RBFOX1: variants seen among roughly 807,000 people sequenced by gnomAD.
RBFOX1 encodes the protein RNA binding protein fox-1 homolog 1.
In RBFOX1, 8 loss-of-function variants were observed where a neutral mutation model predicts 57.7. That is an observed-to-expected ratio of 0.14 (90% CI 0.08 to 0.25). RBFOX1 has a LOEUF of 0.25. RBFOX1 is among the 10% of genes least tolerant of loss of function. RBFOX1 has a pLI of 1.00. For missense variants in RBFOX1, 611 were observed against 548.5 expected, an observed-to-expected ratio of 1.11 and a Z score of -1.14; for synonymous variants, 326 against 222.4, an observed-to-expected ratio of 1.47 and a Z score of -4.15.
intron 3 of RBFOX1, among the ~76,000 whole-genome samples, chr16:5,744,881 C>G (rs1355702552): frequency 6.6e-6 from 1 of 152,174 alleles, no homozygotes; most frequent in East Asian, 1.9e-4. Context: ...CCTCACCGCT[C>G]TCTCTCCGAC....
intron 1 of RBFOX1, among the ~76,000 whole-genome samples, chr16:6,202,753 G>A (rs187348568): frequency 1.3e-5 from 2 of 151,986 alleles, no homozygotes; most frequent in East Asian, 1.9e-4. Context: ...CTCCTCCCAC[G>A]TTCTTTATGT....
At chr16:6,648,263 G>A (rs2098549855) in intron 2 of RBFOX1, among the ~76,000 whole-genome samples, 1 of 151,108 alleles carries the variant, frequency 6.6e-6, no homozygotes, top group African/African-American at 2.4e-5. Flanking sequence ...GTCTCCCTAA[G>A]GTTTCCAGGC....
At chr16:5,692,733 A>C (rs2050726591) in intron 3 of RBFOX1, among the ~76,000 whole-genome samples, 3 of 152,116 alleles carry the variant, frequency 2.0e-5, no homozygotes, top group Admixed American at 6.6e-5. Flanking sequence ...TTGAGAATTC[A>C]AGCCAGCAAA....
intron 3 of RBFOX1, among the ~76,000 whole-genome samples, chr16:6,892,775 C>CGTCTCT (rs1567747539): frequency 1.2e-5 from 1 of 84,662 alleles, no homozygotes; most frequent in African/African-American, 5.1e-5. Flanking sequence ...TCCCTGTCTC[C>CGTCTCT]CTCTCTCTCT....
intron 3 of RBFOX1, among the ~76,000 whole-genome samples, chr16:6,714,485 A>G (rs924785923): frequency 9.9e-5 from 15 of 152,124 alleles, no homozygotes; most frequent in Admixed American, 9.8e-4. Context: ...ACGTACACAC[A>G]TAGCTTAGTA....
chr16:7,053,070 A>C (rs1191509753), intron 4 of RBFOX1, among the ~76,000 whole-genome samples: 1 of 152,214 alleles, frequency 6.6e-6, no homozygotes, highest in African/African-American at 2.4e-5. Context: ...GCCTTCATAC[A>C]CTGCCCTGTA....
In RBFOX1 at chr16:5,931,150, G is replaced by C. The variant is rs550937592; in HGVS notation, c.351+63815G>C. On this transcript the variant is annotated intron_variant, in intron 4 of 19. Coordinates refer to the RBFOX1 transcript ENST00000641259. ...CACGTAGGGCTATTCTTTTGTATTG[G>C]CTTCATTATTAGGCTCCACCTGGTT... 2.4e-3 allele frequency among the ~76,000 whole-genome samples: 365 copies of C among 152,180 alleles called. 3 individuals are homozygous for C. Among genetic ancestry groups the C allele is most frequent in the Non-Finnish European group, 3.7e-3 (255 of 68,016 alleles).
intron 2 of RBFOX1, among the ~76,000 whole-genome samples, chr16:6,328,726 T>G (rs779346294): frequency 2.1e-4 from 31 of 148,226 alleles, no homozygotes; most frequent in Non-Finnish European, 4.6e-4. Context: ...TTGTGAAGAT[T>G]AAATAAAAAT....
At chr16:6,462,056 T>C (rs1467220163) in intron 2 of RBFOX1, among the ~76,000 whole-genome samples, 1 of 152,206 alleles carries the variant, frequency 6.6e-6, no homozygotes, top group Non-Finnish European at 1.5e-5. Flanking sequence ...TTATTTTTCC[T>C]TTTCAACAAC....
At chr16:7,489,192 C>A (rs930509413) in intron 4 of RBFOX1, among the ~76,000 whole-genome samples, 1 of 152,212 alleles carries the variant, frequency 6.6e-6, no homozygotes, top group Middle Eastern at 3.4e-3. Flanking sequence ...CCTAGGTCTG[C>A]CCTATTAGGT....
intron 1 of RBFOX1, among the ~76,000 whole-genome samples, chr16:5,406,149 C>G (rs1291850133): frequency 6.6e-6 from 1 of 152,078 alleles, no homozygotes; most frequent in Non-Finnish European, 1.5e-5. Flanking sequence ...GTGTGATGGT[C>G]ATCTTTATGT....
At chr16:6,131,561 A>C (rs2096629820) in intron 1 of RBFOX1, among the ~76,000 whole-genome samples, 1 of 152,070 alleles carries the variant, frequency 6.6e-6, no homozygotes, top group Admixed American at 6.6e-5. Context: ...AATCTATTCC[A>C]CTCCCCAGAT....
At chr16:6,164,016 G>C (rs2152749998) in intron 1 of RBFOX1, among the ~76,000 whole-genome samples, 1 of 152,266 alleles carries the variant, frequency 6.6e-6, no homozygotes, top group Non-Finnish European at 1.5e-5. Flanking sequence ...ACATTTTTGT[G>C]ACGAGAGTAG....
At chr16:7,120,573 T>C (rs985933045) in intron 4 of RBFOX1, among the ~76,000 whole-genome samples, 2 of 151,616 alleles carry the variant, frequency 1.3e-5, no homozygotes, top group African/African-American at 4.8e-5. Flanking sequence ...TACCAAAACT[T>C]ATTCAAAACA....
At chr16:7,272,419 A>G (rs1417002650) in intron 4 of RBFOX1, among the ~76,000 whole-genome samples, 1 of 152,126 alleles carries the variant, frequency 6.6e-6, no homozygotes, top group Non-Finnish European at 1.5e-5. Flanking sequence ...TCCTGACCTC[A>G]GTGATCCACC....
At chr16:7,354,717 C>T (rs532170405) in intron 4 of RBFOX1, among the ~76,000 whole-genome samples, 36 of 152,208 alleles carry the variant, frequency 2.4e-4, no homozygotes, top group African/African-American at 7.5e-4. Context: ...ATATGACGGC[C>T]ACTAGTCACG....
intron 4 of RBFOX1, among the ~76,000 whole-genome samples, chr16:5,890,446 C>T (rs1160965296): frequency 6.6e-6 from 1 of 152,010 alleles, no homozygotes; most frequent in African/African-American, 2.4e-5. Flanking sequence ...TGCCTGTAAT[C>T]CCACCACTTT....
At chr16:6,202,655 T>C (rs1345789015) in intron 1 of RBFOX1, among the ~76,000 whole-genome samples, 1 of 152,206 alleles carries the variant, frequency 6.6e-6, no homozygotes, top group East Asian at 1.9e-4. Flanking sequence ...CGTATACAGC[T>C]TGATAAATTC....
chr16:7,612,185 G>T (rs1392915594), intron 10 of RBFOX1, among the ~76,000 whole-genome samples: 1 of 152,032 alleles, frequency 6.6e-6, no homozygotes, highest in East Asian at 1.9e-4. Context: ...GCCGGGCGTG[G>T]TGGTGGGCGC....
Sources: allele counts gnomAD v4.1 joint callset (sites outside exome capture counted in the v4.1 genomes callset), GRCh38; gene constraint gnomAD v4.1.1; transcripts MANE v1.5; gene names NCBI Gene and HGNC (gene_info 2026-07-23, HGNC 2026-07-21).